Variants in HMGB1 observed in about 807,000 individuals in gnomAD.
HMGB1 encodes the protein high mobility group box 1.
For missense variants in HMGB1, 79 were observed against 253.5 expected (o/e 0.31, Z 4.67); for synonymous variants, 81 against 84.0 (o/e 0.96, Z 0.19).
At chr13:30,514,026 G>A (rs377180578) in intron 1 of HMGB1, among the ~76,000 whole-genome samples, 86 of 152,142 alleles carry the variant, frequency 5.7e-4, no homozygotes, top group African/African-American at 1.7e-3. Flanking sequence ...GGGACTACAG[G>A]TGTGAACCAC....
At chr13:30,606,145 T>G (rs553529545) in intron 1 of HMGB1, among the ~76,000 whole-genome samples, 1 of 152,338 alleles carries the variant, frequency 6.6e-6, no homozygotes, top group East Asian at 1.9e-4. Context: ...TCCTATAGAA[T>G]AAATTTGACT....
Position 30,526,633 on chromosome 13 carries a change from C to T in HMGB1, c.-14-62939G>A, listed in dbSNP as rs542849049. Among the ~76,000 whole-genome samples the T allele has an allele frequency of 3.3e-5, 5 of 152,320 alleles. No individual in the cohort carries two copies. The East Asian group carries it at 5.8e-4, about 18-fold the overall frequency. ...GCCTCATAGGGCTATTGGGACATGA[C>T]GTCTACGAGGAACCTGACAGTGCTT... On this transcript the variant is annotated intron_variant, in intron 1 of 4. Transcript: ENST00000405805.
intron 1 of HMGB1, among the ~76,000 whole-genome samples, chr13:30,582,195 T>C (rs1414903164): frequency 6.6e-6 from 1 of 152,208 alleles, no homozygotes; most frequent in African/African-American, 2.4e-5. Context: ...GGAATGTTGC[T>C]AAAACCATGG....
chr13:30,536,201 T>TC (rs1320076098), intron 1 of HMGB1, among the ~76,000 whole-genome samples: 1 of 152,228 alleles, frequency 6.6e-6, no homozygotes, highest in Non-Finnish European at 1.5e-5. Context: ...ATTATTTTTC[T>TC]CCTCATAGTG....
At chr13:30,569,206 T>C (rs1192604474) in intron 1 of HMGB1, among the ~76,000 whole-genome samples, 1 of 152,126 alleles carries the variant, frequency 6.6e-6, no homozygotes, top group Non-Finnish European at 1.5e-5. Flanking sequence ...AAAGAAGTTG[T>C]TAAAGGTCTG....
chr13:30,538,684 C>CTTT (rs1467006811), intron 1 of HMGB1, among the ~76,000 whole-genome samples: 344 of 9,782 alleles, frequency 0.035, 8 homozygotes, highest in African/African-American at 0.085. Flanking sequence ...TTCTTTCTTT[C>CTTT]CTTTCTTTCT....
At chr13:30,616,557 T>A (rs887249759) in intron 1 of HMGB1, 4 of 152,236 alleles carry the variant, frequency 2.6e-5, no homozygotes, top group African/African-American at 9.6e-5. Flanking sequence ...GAAGTACTAC[T>A]TTCTCCAATT....
intron 1 of HMGB1, among the ~76,000 whole-genome samples, chr13:30,580,484 C>T (rs1201087970): frequency 6.6e-6 from 1 of 152,164 alleles, no homozygotes; most frequent in Non-Finnish European, 1.5e-5. Context: ...AATTCATCCA[C>T]TGATGCATGA....
At chr13:30,539,930 C>A in intron 1 of HMGB1, 1 of 157,878 alleles carries the variant, frequency 6.3e-6, no homozygotes, top group South Asian at 1.7e-4. Context: ...CGATTGCAAT[C>A]AACTTATTAA....
At chr13:30,528,854 C>A (rs946927346) in intron 1 of HMGB1, among the ~76,000 whole-genome samples, 1 of 151,788 alleles carries the variant, frequency 6.6e-6, no homozygotes, top group Non-Finnish European at 1.5e-5. Flanking sequence ...CGGTGAAACC[C>A]CGTCTCTACT....
At chr13:30,479,504 C>T (rs1021688901) in intron 1 of HMGB1, among the ~76,000 whole-genome samples, 9 of 152,222 alleles carry the variant, frequency 5.9e-5, no homozygotes, top group African/African-American at 2.2e-4. Context: ...CTCCTCTCCC[C>T]TCACACCAAC....
At chr13:30,516,357 T>A (rs936208179) in intron 1 of HMGB1, among the ~76,000 whole-genome samples, 1 of 152,230 alleles carries the variant, frequency 6.6e-6, no homozygotes, top group Non-Finnish European at 1.5e-5. Context: ...CACTAATTTT[T>A]TTTTACTTGA....
chr13:30,609,228 C>A (rs554524707), intron 1 of HMGB1, among the ~76,000 whole-genome samples: 5 of 152,282 alleles, frequency 3.3e-5, no homozygotes, highest in African/African-American at 1.2e-4. Context: ...CCACTGCACT[C>A]CAGCCTGGGT....
chr13:30,534,774 A>T (rs1888576485), intron 1 of HMGB1, among the ~76,000 whole-genome samples: 1 of 151,946 alleles, frequency 6.6e-6, no homozygotes. Flanking sequence ...ATGGGGTTTC[A>T]CCATGTTGGC....
intron 1 of HMGB1, among the ~76,000 whole-genome samples, chr13:30,475,159 T>TG (rs1887060924): frequency 5.1e-5 from 5 of 98,724 alleles, no homozygotes; most frequent in Non-Finnish European, 1.0e-4. Flanking sequence ...TTTTTTTTTT[T>TG]GAGACAGGGT....
rs140593365 is a variant in HMGB1, at chr13:30,506,247, G to A, written c.-14-42553C>T. On this transcript the variant is annotated intron_variant, in intron 1 of 4. Coordinates refer to the HMGB1 transcript ENST00000405805. Reference sequence around the variant, plus strand: ...AATGAGCTGAGTGGGCAGGGGTGGCGTCTTGGGTGGAAGCATTTGAGATCT... The same window carrying A: ...AATGAGCTGAGTGGGCAGGGGTGGCATCTTGGGTGGAAGCATTTGAGATCT... 9.3e-4 allele frequency among the ~76,000 whole-genome samples: 142 copies of A among 152,228 alleles called. 3 individuals are homozygous for A. Among genetic ancestry groups the A allele is most frequent in the South Asian group, 3.5e-3 (17 of 4,822 alleles).
chr13:30,538,553 CTT>C (rs10532111), intron 1 of HMGB1, among the ~76,000 whole-genome samples: 1,164 of 69,452 alleles, frequency 0.017, 60 homozygotes, highest in African/African-American at 0.061. Context: ...TTCTTTCTTT[CTT>C]TTTCTTTCTT....
rs116692379 is a variant in HMGB1 at position 30,534,907 on chromosome 13, G to C, written c.-14-71213C>G. Among the ~76,000 whole-genome samples the C allele has an allele frequency of 9.7e-3, 1,478 of 152,140 alleles. 21 individuals are homozygous for C. The highest frequency in any genetic ancestry group is 0.03 in the African/African-American group (1,239 of 41,518). On this transcript the variant is annotated intron_variant, in intron 1 of 4. Coordinates refer to the HMGB1 transcript ENST00000405805. Reference sequence around the variant, plus strand: ...AAGCTGTTTTCTAACATCACTTTCAGAGGCTCCGTGACATTTTCCACCTTC... The same window carrying C: ...AAGCTGTTTTCTAACATCACTTTCACAGGCTCCGTGACATTTTCCACCTTC...
At chr13:30,606,582 A>G (rs1872387254) in intron 1 of HMGB1, among the ~76,000 whole-genome samples, 1 of 152,224 alleles carries the variant, frequency 6.6e-6, no homozygotes, top group Non-Finnish European at 1.5e-5. Flanking sequence ...GTTGTCAAAT[A>G]TGCCTACATG....
Sources: gnomAD v4.1 joint callset for allele counts (sites outside exome capture counted in the v4.1 genomes callset) on GRCh38, gnomAD v4.1.1 for gene constraint, MANE v1.5 for transcripts, NCBI Gene and HGNC (gene_info 2026-07-23, HGNC 2026-07-21) for gene names.